The following PIP5K1B variants were observed in gnomAD, a reference collection of about 807,000 sequenced individuals.
PIP5K1B encodes the protein phosphatidylinositol 4-phosphate 5-kinase type-1 beta.
In PIP5K1B, 42 loss-of-function variants were observed where a neutral mutation model predicts 67.0. The observed-to-expected ratio is 0.63, with a 90% CI of 0.49 to 0.81. The LOEUF (loss-of-function observed/expected upper bound fraction) is 0.81, where lower values mean the gene tolerates loss of function less well. PIP5K1B is among the 30% of genes least tolerant of loss of function. The probability of loss-of-function intolerance (pLI) is 0.00; values close to 1 mark genes in which losing one functional copy is unlikely to be tolerated. For synonymous variants in PIP5K1B, 214 were observed against 231.4 expected, an observed-to-expected ratio of 0.92 and a Z score of 0.68; for missense variants, 459 against 646.3, an observed-to-expected ratio of 0.71 and a Z score of 3.14.
At chr9:68,808,186 A>G (rs1333842515) in intron 2 of PIP5K1B, among the ~76,000 whole-genome samples, 3 of 152,228 alleles carry the variant, frequency 2.0e-5, no homozygotes, top group African/African-American at 7.2e-5. Flanking sequence ...TGACAGAGCA[A>G]GATTCTGTCT....
chr9:68,768,386 C>T (rs1037372017), intron 2 of PIP5K1B, among the ~76,000 whole-genome samples: 2 of 152,192 alleles, frequency 1.3e-5, no homozygotes, highest in Non-Finnish European at 2.9e-5. Flanking sequence ...ACAGTGGCTG[C>T]CCTTTTTCAG....
intron 13 of PIP5K1B, among the ~76,000 whole-genome samples, 191 bp downstream of exon 13, chr9:68,935,236 G>A (rs372829841): frequency 2.6e-5 from 4 of 152,218 alleles, no homozygotes; most frequent in Admixed American, 6.5e-5. Flanking sequence ...GGAGGCCTAG[G>A]TGGGTGGATC....
chr9:68,926,032 C>G (rs1167830328), intron 12 of PIP5K1B, among the ~76,000 whole-genome samples: 4 of 151,650 alleles, frequency 2.6e-5, no homozygotes, highest in African/African-American at 9.7e-5. Flanking sequence ...CAGCCTCAAG[C>G]GACCCACCCA....
At chr9:68,735,316 CTTTTTTTTTTTT>C (rs558810934) in intron 1 of PIP5K1B, among the ~76,000 whole-genome samples, 3 of 29,768 alleles carry the variant, frequency 1.0e-4, no homozygotes, top group Admixed American at 5.7e-4. Flanking sequence ...CCCCTAGTGT[CTTTTTTTTTTTT>C]TTTTTTTTTT....
At chr9:68,904,988 A>G (rs1825537446) in intron 8 of PIP5K1B, among the ~76,000 whole-genome samples, 3 of 152,102 alleles carry the variant, frequency 2.0e-5, no homozygotes, top group South Asian at 4.1e-4. Context: ...AGAAATTTAT[A>G]TATGCAATAA....
intron 14 of PIP5K1B, among the ~76,000 whole-genome samples, chr9:68,968,715 A>ATAT (rs779031015): frequency 1.1e-4 from 16 of 142,212 alleles, no homozygotes; most frequent in African/African-American, 1.3e-4. Flanking sequence ...ATATATATAT[A>ATAT]TTTTTTTTTT....
chr9:68,934,898 G>C lies in PIP5K1B; in HGVS notation c.1210G>C (p.Ala404Pro). ...RVFKKIQALK[A>P]SPSKKRCNSI... ...TTTTCCTTTCTGTCTAGCTTTGAAG[G>C]CTTCACCGTCTAAGAAACGGTGCAA... The change falls in exon 13 of 16, where the codon GCT becomes CCT. Residue 404 changes from alanine to proline, a missense_variant. By Grantham distance (27) the Ala-to-Pro change is conservative. This residue lies in a region of PIP5K1B where 169 missense variants were observed against 171.9 expected (regional missense o/e 0.98). Transcript: ENST00000265382. The C allele has an allele frequency of 6.2e-7, 1 of 1,607,860 alleles. No homozygotes were observed. The highest frequency in any genetic ancestry group is 2.2e-5 in the East Asian group (1 of 44,626).
At chr9:68,964,656 A>G (rs1828927704) in intron 14 of PIP5K1B, among the ~76,000 whole-genome samples, 1 of 152,234 alleles carries the variant, frequency 6.6e-6, no homozygotes, top group African/African-American at 2.4e-5. Flanking sequence ...GTTCTATATA[A>G]GGAAGAGTTT....
At chr9:68,747,250 G>A (rs763156999) in intron 2 of PIP5K1B, among the ~76,000 whole-genome samples, 1 of 147,220 alleles carries the variant, frequency 6.8e-6, no homozygotes, top group Non-Finnish European at 1.5e-5. Flanking sequence ...TATCTCGTAT[G>A]TGCACATTCT....
chr9:68,993,269 A>G (rs1019471622), intron 15 of PIP5K1B, among the ~76,000 whole-genome samples: 1 of 151,872 alleles, frequency 6.6e-6, no homozygotes, highest in South Asian at 2.1e-4. Flanking sequence ...TTCTAGCCAC[A>G]CTGGCCTCCT....
intron 14 of PIP5K1B, among the ~76,000 whole-genome samples, chr9:68,980,224 C>T (rs995018391): frequency 6.6e-6 from 1 of 152,170 alleles, no homozygotes; most frequent in Non-Finnish European, 1.5e-5. Flanking sequence ...GAGCTTTTTC[C>T]CAGTGGGGCA....
At chr9:68,932,443 CA>C (rs796187931) in intron 12 of PIP5K1B, among the ~76,000 whole-genome samples, 7 of 151,566 alleles carry the variant, frequency 4.6e-5, no homozygotes, top group African/African-American at 9.7e-5. Context: ...TACCAGTTAA[CA>C]AAAAAAATTG....
chr9:68,912,031 A>T (rs1461833776), intron 8 of PIP5K1B, among the ~76,000 whole-genome samples: 1 of 152,128 alleles, frequency 6.6e-6, no homozygotes, highest in East Asian at 1.9e-4. Context: ...CTTTAAGAAG[A>T]TCTCAAATCT....
chr9:68,735,164 A>G (rs1033053819), intron 1 of PIP5K1B, among the ~76,000 whole-genome samples: 50 of 152,214 alleles, frequency 3.3e-4, no homozygotes, highest in African/African-American at 1.1e-3. Flanking sequence ...TTAGAGCACT[A>G]TTACAAATGT....
chr9:68,968,714 TA>T lies in PIP5K1B; in HGVS notation c.1503-22425del, dbSNP rs201747925. Among the ~76,000 whole-genome samples the T allele has an allele frequency of 9.3e-3, 1,045 of 112,108 alleles. 11 individuals carry two copies. The highest frequency in any genetic ancestry group is 0.027 in the African/African-American group (848 of 31,144). The allele number at this position is 112,108 out of a possible 152,430, so 73.5% of individuals were successfully genotyped here. A position where few individuals can be genotyped will look rare whatever the true frequency, so the allele number is the denominator to read the frequency against. The stretch of plus-strand genomic sequence containing the variant: ...ATCCTTGTTTATATATATATATATA[TA>T]TTTTTTTTTTGCATGTGTTGACTAT... On this transcript the variant is annotated intron_variant, in intron 14 of 15. Transcript: ENST00000265382.
chr9:68,888,340 A>G (rs1301293960), intron 6 of PIP5K1B, among the ~76,000 whole-genome samples: 1 of 152,198 alleles, frequency 6.6e-6, no homozygotes, highest in Non-Finnish European at 1.5e-5. Flanking sequence ...CCAAGATAAA[A>G]AGTTGCATCT....
At chr9:68,875,264 ACAC>A (rs1823824086) in intron 5 of PIP5K1B, among the ~76,000 whole-genome samples, 2 of 145,610 alleles carry the variant, frequency 1.4e-5, no homozygotes, top group Admixed American at 1.4e-4. Flanking sequence ...ACCCCTAACA[ACAC>A]AAGCCAGCTC....
chr9:68,962,371 A>G (rs1402673626), intron 14 of PIP5K1B, among the ~76,000 whole-genome samples: 1 of 152,230 alleles, frequency 6.6e-6, no homozygotes, highest in East Asian at 1.9e-4. Flanking sequence ...AACTGGTTAA[A>G]TGCATTCAAA....
At chr9:68,952,830 C>CCTTCCTTCCTTCCTTT (rs1828157542) in intron 14 of PIP5K1B, among the ~76,000 whole-genome samples, 1 of 147,232 alleles carries the variant, frequency 6.8e-6, no homozygotes. Context: ...TGCCTGCCTT[C>CCTTCCTTCCTTCCTTT]CTTCCTTCCT....
Sources: gnomAD v4.1 joint callset for allele counts (sites outside exome capture counted in the v4.1 genomes callset) on GRCh38, gnomAD v4.1.1 for gene constraint, gnomAD v4.1.1 regional missense constraint, MANE v1.5 for transcripts, NCBI Gene and HGNC (gene_info 2026-07-23, HGNC 2026-07-21) for gene names.